UNC5A: variants seen among roughly 807,000 people sequenced by gnomAD.
The protein encoded by UNC5A is netrin receptor UNC5A.
A neutral mutation model predicts 87.4 loss-of-function variants in UNC5A; 20 were observed. That is an observed-to-expected ratio of 0.23 (90% CI 0.16 to 0.33). The LOEUF (loss-of-function observed/expected upper bound fraction) is 0.33. UNC5A is among the 10% of genes least tolerant of loss of function. UNC5A has a pLI of 1.00. For missense variants in UNC5A, 844 were observed against 1,133.4 expected (o/e 0.74, Z 3.67); for synonymous variants, 438 against 482.3 (o/e 0.91, Z 1.20).
rs183274296 is a variant in UNC5A at position 176,863,070 on chromosome 5, C to T, written c.292+225C>T. ...TTCAGTGATTGTTTTCTTTGTGCGT[C>T]GGTTCATTCGATCAGTCAGGCATTC... On this transcript the variant is annotated intron_variant, in intron 2 of 14. Coordinates refer to ENST00000329542, the MANE Select transcript of UNC5A (RefSeq NM_133369.3). Among the ~76,000 whole-genome samples, 172 of 152,316 alleles carry T rather than the reference C, an allele frequency of 1.1e-3. 3 individuals carry two copies. Among genetic ancestry groups the T allele is most frequent in the Admixed American group, 9.7e-3 (148 of 15,308 alleles).
At position 176,841,064 on chromosome 5, in the gene UNC5A, G is replaced by A. The variant is rs1465677060; in HGVS notation, c.71-21560G>A. ...GCGCTGAATGGAGGCAGCGTGACTT[G>A]GTCATGCATTGAAAGCTGTGGCAGG... On this transcript the variant is annotated intron_variant, in intron 1 of 14. Coordinates refer to ENST00000329542, the MANE Select transcript of UNC5A (RefSeq NM_133369.3). The surrounding 1 kb of genome is among the most constrained non-coding windows in gnomAD (Gnocchi z 4.1). 6.6e-6 allele frequency among the ~76,000 whole-genome samples: 1 copy of A among 152,242 alleles called. No individual in the cohort carries two copies. The highest frequency in any genetic ancestry group is 1.5e-5 in the Non-Finnish European group (1 of 68,030).
intron 1 of UNC5A, among the ~76,000 whole-genome samples, chr5:176,829,429 A>C: frequency 7.3e-6 from 1 of 136,398 alleles, no homozygotes; most frequent in African/African-American, 2.8e-5. Flanking sequence ...GGATGGATGG[A>C]TGGATGGATG....
At chr5:176,852,182 C>T (rs1157924247) in intron 1 of UNC5A, among the ~76,000 whole-genome samples, 1 of 152,168 alleles carries the variant, frequency 6.6e-6, no homozygotes. Flanking sequence ...GCCCCTACTG[C>T]TTGTGAGGCA....
chr5:176,832,223 G>A (rs1443474079), intron 1 of UNC5A, among the ~76,000 whole-genome samples: 1 of 152,122 alleles, frequency 6.6e-6, no homozygotes, highest in Non-Finnish European at 1.5e-5. Flanking sequence ...AAGCCTCAAT[G>A]CAGAGTTTGG....
At chr5:176,867,575 C>T (rs916767430) in intron 2 of UNC5A, among the ~76,000 whole-genome samples, 2 of 152,200 alleles carry the variant, frequency 1.3e-5, no homozygotes, top group Admixed American at 6.5e-5. Flanking sequence ...CATCCCGGCA[C>T]GTGGGAAACC....
intron 1 of UNC5A, among the ~76,000 whole-genome samples, chr5:176,861,854 G>C (rs490310): frequency 0.59 from 90,256 of 151,888 alleles, 32,240 homozygotes; most frequent in Non-Finnish European, 0.79. Flanking sequence ...AGGGCAGCTG[G>C]GGGTTGTGGG....
chr5:176,843,362 C>G (rs1176926187), intron 1 of UNC5A, among the ~76,000 whole-genome samples: 1 of 151,726 alleles, frequency 6.6e-6, no homozygotes, highest in Non-Finnish European at 1.5e-5. Context: ...AAGCCAGACA[C>G]GAAGGACTCC....
rs1020455032 is a variant in UNC5A, at chr5:176,869,127, G to A, written c.721+163G>A. On this transcript the variant is annotated intron_variant, in intron 5 of 14. Coordinates refer to ENST00000329542, the MANE Select transcript of UNC5A (RefSeq NM_133369.3). The surrounding 1 kb of genome is among the most constrained non-coding windows in gnomAD (Gnocchi z 9.1). Reference sequence around the variant, plus strand: ...AAAGGGCTCTCTGTGACTGCTGGGGGCCCAGGGGCATGTCTGGGCAAAGGA... The same window carrying A: ...AAAGGGCTCTCTGTGACTGCTGGGGACCCAGGGGCATGTCTGGGCAAAGGA... Among the ~76,000 whole-genome samples the A allele has an allele frequency of 1.3e-5, 2 of 152,202 alleles. No individual in the cohort carries two copies. Among genetic ancestry groups the A allele is most frequent in the African/African-American group, 4.8e-5 (2 of 41,442 alleles).
intron 1 of UNC5A, among the ~76,000 whole-genome samples, chr5:176,827,854 C>G (rs1490129149): frequency 1.3e-5 from 2 of 152,216 alleles, no homozygotes; most frequent in African/African-American, 4.8e-5. Flanking sequence ...TGTCTTGGTG[C>G]TCCTGCTTTG....
Position 176,841,259 on chromosome 5 carries a change from G to C in UNC5A, c.71-21365G>C, listed in dbSNP as rs1581255328. 6.6e-6 allele frequency among the ~76,000 whole-genome samples: 1 copy of C among 152,188 alleles called. No individual in the cohort carries two copies. Among genetic ancestry groups the C allele is most frequent in the Non-Finnish European group, 1.5e-5 (1 of 68,034 alleles). On this transcript the variant is annotated intron_variant, in intron 1 of 14. Transcript: ENST00000329542. This position sits in a 1 kb window ranked among gnomAD's most constrained non-coding sequence, Gnocchi z 4.1. ...TGCTCAGTGACACAGGTGATTGTGGGTGCCGTTTGCAGACAGAGCTGTGCC... is the reference window on the plus strand; with the variant it reads ...TGCTCAGTGACACAGGTGATTGTGGCTGCCGTTTGCAGACAGAGCTGTGCC...
intron 1 of UNC5A, among the ~76,000 whole-genome samples, chr5:176,821,334 C>T (rs1296459080): frequency 1.5e-4 from 23 of 152,138 alleles, no homozygotes; most frequent in Admixed American, 1.5e-3. Context: ...TTGTAGTTGC[C>T]CTGGCACTTT....
chr5:176,868,162 T>A lies in UNC5A; in HGVS notation c.325T>A (p.Ser109Thr), dbSNP rs373576664. The change falls in exon 3 of 15, where the codon TCA becomes ACA. Residue 109 changes from serine (S) to threonine (T), a missense_variant. Physicochemically the swap from Ser to Thr is moderately conservative, Grantham distance 58. Transcript: ENST00000329542. ...CACCATGGAGGTCCGCATTAATGTC[T>A]CAAGGCAGCAGGTCGAGAAGGTGTT... The part of the protein sequence containing the change: ...LPTMEVRINV[S>T]RQQVEKVFGL... 69 of 1,613,194 alleles carry A rather than the reference T, an allele frequency of 4.3e-5. No homozygotes were observed. Among genetic ancestry groups the A allele is most frequent in the Non-Finnish European group, 5.4e-5 (64 of 1,179,852 alleles).
At position 176,810,615 on chromosome 5, in the gene UNC5A, G is replaced by A; in HGVS notation, c.-136G>A. 1 of 175,244 alleles carries A rather than the reference G, an allele frequency of 5.7e-6. No individual in the cohort carries two copies. Among genetic ancestry groups the A allele is most frequent in the Non-Finnish European group, 1.1e-5 (1 of 93,838 alleles). 10.9% of individuals were successfully genotyped at this position (175,244 alleles called of 1,614,324 possible). A position where few individuals can be genotyped will look rare whatever the true frequency, so the allele number is the denominator to read the frequency against. ...ACGCGCCGCGTGCGCCCGGCAGCCGGCCGCCCGGAGGCAGCGCAGTCCGCT... is the reference window on the plus strand; with the variant it reads ...ACGCGCCGCGTGCGCCCGGCAGCCGACCGCCCGGAGGCAGCGCAGTCCGCT... On this transcript the variant is annotated 5_prime_UTR_variant, in exon 1 of 15. Coordinates refer to ENST00000329542, the MANE Select transcript of UNC5A (RefSeq NM_133369.3). This position sits in a 1 kb window ranked among gnomAD's most constrained non-coding sequence, Gnocchi z 7.3.
At chr5:176,814,384 C>T (rs1756538867) in intron 1 of UNC5A, among the ~76,000 whole-genome samples, 1 of 152,160 alleles carries the variant, frequency 6.6e-6, no homozygotes, top group Admixed American at 6.5e-5. Context: ...GGGGTGGGCA[C>T]CCCCAGGCAA....
At chr5:176,879,219 G>T (rs901134044) in intron 13 of UNC5A, 91 bp from the exon 14 acceptor site, 1 of 1,444,786 alleles carries the variant, frequency 6.9e-7, no homozygotes, top group Non-Finnish European at 9.3e-7. Context: ...CCATGCTCTG[G>T]GGGAGTCTGG....
rs115728603 is a variant in UNC5A at position 176,863,420 on chromosome 5, T to A, written c.292+575T>A. On this transcript the variant is annotated intron_variant, in intron 2 of 14. Transcript: ENST00000329542. The stretch of plus-strand genomic sequence containing the variant: ...GGGGATCTCAAGCTGCAGAGCGACA[T>A]GGCCAGAGCTATATGTGATTCAGGG... 4.4e-3 allele frequency among the ~76,000 whole-genome samples: 663 copies of A among 152,168 alleles called. 5 individuals carry two copies. Among genetic ancestry groups the A allele is most frequent in the African/African-American group, 0.015 (629 of 41,510 alleles).
chr5:176,876,940 A>C (rs1417317311), intron 8 of UNC5A, among the ~76,000 whole-genome samples: 1 of 152,154 alleles, frequency 6.6e-6, no homozygotes, highest in Non-Finnish European at 1.5e-5. Context: ...TTCTGTCCCC[A>C]AGTTTTCTGT....
intron 8 of UNC5A, 34 bp from the exon 9 acceptor site, chr5:176,877,158 T>G (rs1460268086): frequency 1.3e-6 from 2 of 1,550,400 alleles, no homozygotes; most frequent in Admixed American, 3.4e-5. Context: ...GCTTTGGCAG[T>G]GGGTAAGCCC....
Position 176,865,794 on chromosome 5 carries a change from T to C in UNC5A, c.293-2336T>C, listed in dbSNP as rs1371353430. On this transcript the variant is annotated intron_variant, in intron 2 of 14. Coordinates refer to ENST00000329542, the MANE Select transcript of UNC5A (RefSeq NM_133369.3). The surrounding 1 kb of genome is among the most constrained non-coding windows in gnomAD (Gnocchi z 5.3). ...ATGTGTGGGGCTGGAGGTGGCCGGA[T>C]GGACACCCAGGAGAGCACCTACTTC... 4.9e-6 allele frequency: 2 copies of C among 407,674 alleles called. No homozygotes were observed. Among genetic ancestry groups the C allele is most frequent in the Non-Finnish European group, 4.9e-6 (1 of 202,860 alleles). The allele number at this position is 407,674 out of a possible 1,614,324, so 25.3% of individuals were successfully genotyped here.
Sources: gnomAD v4.1 joint callset for allele counts (sites outside exome capture counted in the v4.1 genomes callset) on GRCh38, gnomAD v4.1.1 for gene constraint, Gnocchi (gnomAD v3.1) non-coding constraint, MANE v1.5 for transcripts, NCBI Gene and HGNC (gene_info 2026-07-23, HGNC 2026-07-21) for gene names.